Variants in MACF1 observed in about 807,000 individuals in gnomAD.
MACF1 encodes microtubule-actin cross-linking factor 1.
In MACF1, 193 loss-of-function variants were observed where a neutral mutation model predicts 854.8. The observed-to-expected ratio is 0.23, with a 90% CI of 0.20 to 0.25. MACF1 has a LOEUF of 0.25. MACF1 is among the 10% of genes least tolerant of loss of function. MACF1 has a pLI of 1.00. For synonymous variants in MACF1, 3,185 were observed against 3,226.7 expected (o/e 0.99, Z 0.44); for missense variants, 7,722 against 8,929.1 (o/e 0.86, Z 5.45).
intron 17 of MACF1, among the ~76,000 whole-genome samples, chr1:39,293,094 G>A (rs1319582791): frequency 1.3e-5 from 2 of 152,146 alleles, no homozygotes; most frequent in Non-Finnish European, 2.9e-5. Context: ...TTCAACAAAC[G>A]TGTGGCTATA....
intron 38 of MACF1, among the ~76,000 whole-genome samples, chr1:39,339,047 G>A (rs918357103): frequency 6.6e-6 from 1 of 152,202 alleles, no homozygotes; most frequent in Non-Finnish European, 1.5e-5. Flanking sequence ...GGTAGGCCAA[G>A]ACAAGAGGAT....
At chr1:39,263,328 C>T (rs955430547) in intron 6 of MACF1, among the ~76,000 whole-genome samples, 5 of 152,132 alleles carry the variant, frequency 3.3e-5, no homozygotes, top group Non-Finnish European at 5.9e-5. Context: ...ATATTGATAA[C>T]TTCATGCAGA....
chr1:39,397,560 CAAAAAAA>C (rs1289604143), intron 58 of MACF1, among the ~76,000 whole-genome samples: 1 of 131,214 alleles, frequency 7.6e-6, no homozygotes, highest in African/African-American at 2.8e-5. Flanking sequence ...AACTTCGTTC[CAAAAAAA>C]AAAAAAAGTA....
chr1:39,387,126 CA>C, intron 57 of MACF1, 60 bp from the exon 58 acceptor site: 1 of 1,557,844 alleles, frequency 6.4e-7, no homozygotes, highest in Non-Finnish European at 8.7e-7. Flanking sequence ...ATACTCTCAG[CA>C]AACATTTTAA....
chr1:39,187,077 TAC>T (rs775927499), intron 2 of MACF1, among the ~76,000 whole-genome samples: 1 of 151,944 alleles, frequency 6.6e-6, no homozygotes, highest in Admixed American at 6.6e-5. Context: ...CCCCTTAACG[TAC>T]ACACTTTCTC....
At chr1:39,234,949 G>A (rs1274234997) in intron 2 of MACF1, among the ~76,000 whole-genome samples, 2 of 151,632 alleles carry the variant, frequency 1.3e-5, no homozygotes, top group Non-Finnish European at 2.9e-5. Context: ...AGATGTGATG[G>A]CGGCAGGGAA....
At chr1:39,087,207 C>G (rs921307936) in intron 2 of MACF1, among the ~76,000 whole-genome samples, 1 of 152,224 alleles carries the variant, frequency 6.6e-6, no homozygotes, top group African/African-American at 2.4e-5. Flanking sequence ...GTCAGTCTTA[C>G]GCTGGAAGCC....
rs745601327 is a variant in MACF1 at position 39,433,061 on chromosome 1, A to G, written c.17471A>G (p.Asp5824Gly). ...TACTTTTCAAAGGCTTTCTCCATTG[A>G]CATTATTCGACACAAAGATTCAATG... ...QLQVQKAFSI[D>G]IIRHKDSMDE... The change falls in exon 68 of 101, where the codon GAC (aspartate) becomes GGC (glycine). Residue 5824 changes from aspartate to glycine, a missense_variant. Transcript: ENST00000564288. 1 of 1,608,984 alleles carries G rather than the reference A, an allele frequency of 6.2e-7. No individual in the cohort carries two copies. The highest frequency in any genetic ancestry group is 8.5e-7 in the Non-Finnish European group (1 of 1,176,270).
At chr1:39,383,360 T>G (rs1019244433) in intron 56 of MACF1, among the ~76,000 whole-genome samples, 1 of 152,190 alleles carries the variant, frequency 6.6e-6, no homozygotes, top group Non-Finnish European at 1.5e-5. Context: ...TCCGGGATTT[T>G]CAAACTTTTT....
At chr1:39,243,716 T>A (rs555830601) in intron 2 of MACF1, among the ~76,000 whole-genome samples, 1 of 152,348 alleles carries the variant, frequency 6.6e-6, no homozygotes, top group African/African-American at 2.4e-5. Context: ...TAAATTTTGA[T>A]GCTTAGTCCA....
rs537834787 is a variant in MACF1, at chr1:39,291,135, C to T, written c.1786-775C>T. Among the ~76,000 whole-genome samples the T allele has an allele frequency of 1.0e-4, 15 of 150,644 alleles. No individual in the cohort carries two copies. In the South Asian group the frequency reaches 3.2e-3, roughly 32 times the overall value. On this transcript the variant is annotated intron_variant, in intron 15 of 100. Transcript: ENST00000564288. ...GGGATTACAGGCGCCCACCACCATGCCTGGCTGATTTTTGTATTTTTAGTA... is the reference window on the plus strand; with the variant it reads ...GGGATTACAGGCGCCCACCACCATGTCTGGCTGATTTTTGTATTTTTAGTA...
chr1:39,334,523 A>G lies in MACF1; in HGVS notation c.7935A>G (p.Arg2645=), dbSNP rs1300889961. The G allele has an allele frequency of 3.7e-6, 6 of 1,613,978 alleles. No individual in the cohort carries two copies. Among genetic ancestry groups the G allele is most frequent in the Non-Finnish European group, 4.2e-6 (5 of 1,179,982 alleles). ...KCKIDIESGQ[R]YLEVIPFSDI... ...AGATTGATATTGAATCTGGACAGAG[A>G]TATCTAGAAGTAATTCCCTTCTCAG... The change falls in exon 37 of 101, where the codon AGA becomes AGG. Residue 2645 remains arginine, a synonymous_variant. Transcript: ENST00000564288.
chr1:39,426,510 A>G (rs900542386), intron 61 of MACF1, among the ~76,000 whole-genome samples: 2 of 152,192 alleles, frequency 1.3e-5, no homozygotes, highest in African/African-American at 4.8e-5. Context: ...ATGCTAATAC[A>G]GTTCTGTGGT....
chr1:39,131,009 C>T (rs1642987321), intron 2 of MACF1, among the ~76,000 whole-genome samples: 1 of 151,740 alleles, frequency 6.6e-6, no homozygotes, highest in Non-Finnish European at 1.5e-5. Context: ...TGCCACCATG[C>T]CTGGCTAATT....
At chr1:39,088,477 C>T (rs190403247) in intron 2 of MACF1, among the ~76,000 whole-genome samples, 53 of 152,362 alleles carry the variant, frequency 3.5e-4, no homozygotes, top group Admixed American at 1.6e-3. Flanking sequence ...AATCTCCACA[C>T]TCACCTGAGA....
chr1:39,191,431 C>T (rs1163800193), intron 2 of MACF1, among the ~76,000 whole-genome samples: 1 of 152,160 alleles, frequency 6.6e-6, no homozygotes, highest in Non-Finnish European at 1.5e-5. Context: ...ATTAGATACT[C>T]CAGGAACATC....
chr1:39,156,258 C>T (rs1643684493), intron 2 of MACF1, among the ~76,000 whole-genome samples: 1 of 152,110 alleles, frequency 6.6e-6, no homozygotes, highest in Non-Finnish European at 1.5e-5. Context: ...ATCCACCTAC[C>T]TCAGCCTCCC....
chr1:39,312,821 TCAAGCAAACAAACAAA>T (rs932128744), intron 26 of MACF1, among the ~76,000 whole-genome samples: 1 of 152,120 alleles, frequency 6.6e-6, no homozygotes, highest in Admixed American at 6.5e-5. Context: ...CAAACCTGTC[TCAAGCAAACAAACAAA>T]CAAGCAAACA....
intron 56 of MACF1, among the ~76,000 whole-genome samples, chr1:39,383,823 G>C (rs994955059): frequency 4.6e-5 from 7 of 152,054 alleles, no homozygotes; most frequent in African/African-American, 1.7e-4. Flanking sequence ...CTGACAGTGA[G>C]CCGAGATCGC....
Sources: gnomAD v4.1 joint callset for allele counts (sites outside exome capture counted in the v4.1 genomes callset) on GRCh38, gnomAD v4.1.1 for gene constraint, MANE v1.5 for transcripts, NCBI Gene and HGNC (gene_info 2026-07-23, HGNC 2026-07-21) for gene names.